The following NFIB variants were observed in gnomAD, a reference collection of about 807,000 sequenced individuals.
NFIB encodes the protein nuclear factor I B.
A neutral mutation model predicts 61.5 loss-of-function variants in NFIB; 11 were observed. That is an observed-to-expected ratio of 0.18 (90% CI 0.11 to 0.30). The LOEUF (loss-of-function observed/expected upper bound fraction) is 0.30. NFIB is among the 10% of genes least tolerant of loss of function. NFIB has a pLI of 1.00. For synonymous variants in NFIB, 260 were observed against 216.5 expected (o/e 1.20, Z -1.76); for missense variants, 471 against 608.9 (o/e 0.77, Z 2.38).
chr9:14,319,274 A>T (rs1178193106), intron 1 of NFIB, among the ~76,000 whole-genome samples: 1 of 152,076 alleles, frequency 6.6e-6, no homozygotes, highest in Non-Finnish European at 1.5e-5. Flanking sequence ...TCTCAACACC[A>T]ACTGAGCCAG....
chr9:14,291,485 T>C (rs1295201782), intron 2 of NFIB, among the ~76,000 whole-genome samples: 1 of 152,106 alleles, frequency 6.6e-6, no homozygotes, highest in African/African-American at 2.4e-5. Flanking sequence ...TGTAAAAGAA[T>C]TTCTACCTTA....
chr9:14,338,936 C>G (rs1344829031), intron 1 of NFIB, among the ~76,000 whole-genome samples: 1 of 151,790 alleles, frequency 6.6e-6, no homozygotes. Flanking sequence ...TCACGTTAAC[C>G]CAGCAATTGC....
intron 2 of NFIB, among the ~76,000 whole-genome samples, chr9:14,270,823 CA>C: frequency 6.6e-6 from 1 of 152,186 alleles, no homozygotes; most frequent in South Asian, 2.1e-4. Flanking sequence ...TAATTTATAG[CA>C]ATAAAGCAGA....
At chr9:14,509,259 A>G in the NFIB span, among the ~76,000 whole-genome samples, 1 of 151,176 alleles carries the variant, frequency 6.6e-6, no homozygotes, top group Non-Finnish European at 1.5e-5. Context: ...TGTGCTAATT[A>G]ATTGGAAGTT....
chr9:14,435,663 A>G, the NFIB span, among the ~76,000 whole-genome samples: 3 of 152,232 alleles, frequency 2.0e-5, no homozygotes, highest in South Asian at 2.1e-4. Context: ...CCATATATTT[A>G]AAAACATAGT....
chr9:14,088,541 T>C (rs2033252326), intron 10 of NFIB, among the ~76,000 whole-genome samples: 1 of 152,084 alleles, frequency 6.6e-6, no homozygotes, highest in African/African-American at 2.4e-5. Context: ...AAATTAAGAC[T>C]AAAGTGAGGC....
At chr9:14,167,709 A>C (rs1297881667) in intron 3 of NFIB, among the ~76,000 whole-genome samples, 5 of 152,226 alleles carry the variant, frequency 3.3e-5, no homozygotes, top group Admixed American at 3.3e-4. Flanking sequence ...CAAGTGAATC[A>C]GAAACATTCA....
rs930423699 is a variant in NFIB at position 14,120,297 on chromosome 9, T to C, written c.1245+143A>G. The C allele has an allele frequency of 8.1e-6, 7 of 859,278 alleles. No homozygotes were observed. The highest frequency in any genetic ancestry group is 4.4e-5 in the Admixed American group (2 of 45,596). 53.2% of individuals were successfully genotyped at this position (859,278 alleles called of 1,614,324 possible). ...TCAGCCACCTTTAAATAAAAACTTA[T>C]TGAGTCACCAAGCAACTTCCTGAAG... On this transcript the variant is annotated intron_variant, in intron 8 of 10. Coordinates refer to ENST00000380953, the MANE Select transcript of NFIB (RefSeq NM_001190737.2). The surrounding 1 kb of genome is among the most constrained non-coding windows in gnomAD (Gnocchi z 4.4).
the NFIB span, among the ~76,000 whole-genome samples, chr9:14,477,673 G>A: frequency 6.6e-6 from 1 of 152,114 alleles, no homozygotes; most frequent in African/African-American, 2.4e-5. Context: ...AAGCAATAAA[G>A]TTTAAAGTAC....
intron 2 of NFIB, among the ~76,000 whole-genome samples, chr9:14,266,831 C>T (rs554114758): frequency 1.1e-4 from 17 of 152,072 alleles, no homozygotes; most frequent in Admixed American, 5.9e-4. Flanking sequence ...ATCCTAAGCA[C>T]CAAATCTGAA....
chr9:14,273,883 C>G (rs2057802587), intron 2 of NFIB, among the ~76,000 whole-genome samples: 1 of 152,234 alleles, frequency 6.6e-6, no homozygotes, highest in South Asian at 2.1e-4. Flanking sequence ...CTTTTGGTGC[C>G]CCCGAAATTG....
intron 2 of NFIB, among the ~76,000 whole-genome samples, chr9:14,283,046 A>G (rs2058483503): frequency 6.6e-6 from 1 of 152,216 alleles, no homozygotes; most frequent in African/African-American, 2.4e-5. Context: ...TGTTACTATC[A>G]TCTTAGAACT....
rs1476578397 is a variant in NFIB, at chr9:14,286,285, G to T, written c.562+20704C>A. ...CTCACTTTTGAATGGGAGGGTGCTAGGGCCACTCAGAACCCAATGCAATTG... is the reference window on the plus strand; with the variant it reads ...CTCACTTTTGAATGGGAGGGTGCTATGGCCACTCAGAACCCAATGCAATTG... On this transcript the variant is annotated intron_variant, in intron 2 of 10. Coordinates refer to ENST00000380953, the MANE Select transcript of NFIB (RefSeq NM_001190737.2). 1.3e-5 allele frequency among the ~76,000 whole-genome samples: 2 copies of T among 152,164 alleles called. 1 individual carries two copies. Among genetic ancestry groups the T allele is most frequent in the Admixed American group, 1.3e-4 (2 of 15,276 alleles).
rs566205223 is a variant in NFIB, at chr9:14,280,300, T to C, written c.562+26689A>G. Among the ~76,000 whole-genome samples, 9 of 152,290 alleles carry C rather than the reference T, an allele frequency of 5.9e-5. No homozygotes were observed. In the East Asian group the frequency reaches 1.7e-3, roughly 29 times the overall value. Reference sequence around the variant, plus strand: ...CGTTCCCTCACATGTACAAAGGAGATACTAATAGATCTTGCCTCATGGGGC... The same window carrying C: ...CGTTCCCTCACATGTACAAAGGAGACACTAATAGATCTTGCCTCATGGGGC... On this transcript the variant is annotated intron_variant, in intron 2 of 10. Transcript: ENST00000380953.
chr9:14,191,823 T>C (rs931577947), intron 2 of NFIB, among the ~76,000 whole-genome samples: 2 of 152,214 alleles, frequency 1.3e-5, no homozygotes, highest in African/African-American at 4.8e-5. Flanking sequence ...GCACGTACCA[T>C]TACATATGGC....
the NFIB span, among the ~76,000 whole-genome samples, chr9:14,438,034 G>A: frequency 3.4e-5 from 5 of 148,866 alleles, no homozygotes; most frequent in South Asian, 2.1e-4. Flanking sequence ...GTGTGTGCGC[G>A]TATGTGCGTG....
the NFIB span, among the ~76,000 whole-genome samples, chr9:14,526,544 T>G: frequency 6.6e-6 from 1 of 152,226 alleles, no homozygotes; most frequent in Non-Finnish European, 1.5e-5. Flanking sequence ...CTGACTTTTT[T>G]GCACATTGAG....
chr9:14,306,876 G>T (rs1372387889), intron 2 of NFIB, 113 bp downstream of exon 2: 3 of 1,296,800 alleles, frequency 2.3e-6, no homozygotes, highest in Non-Finnish European at 3.2e-6. Flanking sequence ...ACCCAGAGAG[G>T]GTGGAGGATA....
In NFIB at chr9:14,313,331, C is replaced by T. The variant is rs1463319917; in HGVS notation, c.30+151G>A. On this transcript the variant is annotated intron_variant, in intron 1 of 10. Coordinates refer to ENST00000380953, the MANE Select transcript of NFIB (RefSeq NM_001190737.2). The surrounding 1 kb of genome is among the most constrained non-coding windows in gnomAD (Gnocchi z 4.5). ...GAGGGGCCGCTCCCGGCTCCCACGC[C>T]GCCCCGCGACGCCCGCTGCAACTCC... 9.1e-7 allele frequency: 1 copy of T among 1,095,020 alleles called. No homozygotes were observed. Among genetic ancestry groups the T allele is most frequent in the Non-Finnish European group, 1.2e-6 (1 of 804,936 alleles). 67.8% of individuals were successfully genotyped at this position (1,095,020 alleles called of 1,614,324 possible).
Sources: allele counts gnomAD v4.1 joint callset (sites outside exome capture counted in the v4.1 genomes callset), GRCh38; gene constraint gnomAD v4.1.1; non-coding constraint Gnocchi (gnomAD v3.1); transcripts MANE v1.5; gene names NCBI Gene and HGNC (gene_info 2026-07-23, HGNC 2026-07-21).